The following RASA4 variants were observed in gnomAD, a reference collection of about 807,000 sequenced individuals.
RASA4 encodes RAS p21 protein activator 4.
Under a neutral mutation model 24.0 loss-of-function variants are expected in RASA4, and 5 were observed. That is an observed-to-expected ratio of 0.21 (90% CI 0.11 to 0.44). The LOEUF (loss-of-function observed/expected upper bound fraction) is 0.44, where lower values mean the gene tolerates loss of function less well. Ranked by LOEUF, RASA4 falls within the 20% of genes least tolerant of loss-of-function variation. The probability of loss-of-function intolerance (pLI) is 0.99; values close to 1 mark genes in which losing one functional copy is unlikely to be tolerated. For missense variants in RASA4, 38 were observed against 293.0 expected (o/e 0.13, Z 6.35); for synonymous variants, 9 against 132.7 (o/e 0.07, Z 6.41).
intron 5 of RASA4, among the ~76,000 whole-genome samples, chr7:102,603,928 C>G (rs1233690403): frequency 7.9e-4 from 119 of 150,740 alleles, no homozygotes; most frequent in African/African-American, 2.7e-3. Flanking sequence ...TTTGGGAGGC[C>G]GAGGCAGGCA....
chr7:102,597,745 G>A lies in RASA4; in HGVS notation c.738-1616C>T, dbSNP rs1388847971. 1.5e-4 allele frequency among the ~76,000 whole-genome samples: 20 copies of A among 134,918 alleles called. 2 individuals are homozygous for A. The South Asian group carries it at 3.0e-3, about 20-fold the overall frequency. 88.5% of individuals were successfully genotyped at this position (134,918 alleles called of 152,430 possible). A position where few individuals can be genotyped will look rare whatever the true frequency, so the allele number is the denominator to read the frequency against. The stretch of plus-strand genomic sequence containing the variant: ...GGCTGTTTTCTTGAGACGGAGTTTC[G>A]CTCTTGTCACCGAGGCTGGAGTGCA... On this transcript the variant is annotated intron_variant, in intron 8 of 20. Coordinates refer to ENST00000262940, the MANE Select transcript of RASA4 (RefSeq NM_006989.6).
chr7:102,590,904 C>T (rs2133442488), intron 16 of RASA4, among the ~76,000 whole-genome samples: 1 of 142,954 alleles, frequency 7.0e-6, no homozygotes, highest in South Asian at 2.2e-4. Context: ...CGCACCATTG[C>T]ACTCTGGCCT....
chr7:102,606,672 T>C (rs1790685830), intron 4 of RASA4, among the ~76,000 whole-genome samples: 1 of 58,924 alleles, frequency 1.7e-5, no homozygotes, highest in Non-Finnish European at 3.6e-5. Flanking sequence ...AGACCCCATC[T>C]CAAAAAAAAA....
At chr7:102,613,198 G>GC (rs139353805) in intron 1 of RASA4, among the ~76,000 whole-genome samples, 65 of 222 alleles carry the variant, frequency 0.29, no homozygotes, top group Middle Eastern at 0.5. Flanking sequence ...AAAATAAAGA[G>GC]CCCCCCCACC....
chr7:102,605,696 C>T (rs1350425137), intron 5 of RASA4, among the ~76,000 whole-genome samples, 162 bp downstream of exon 5: 2 of 152,338 alleles, frequency 1.3e-5, no homozygotes, highest in Non-Finnish European at 2.9e-5. Context: ...AGGTGTGAGA[C>T]GCCGTGCCTG....
rs202016941 is a variant in RASA4, at chr7:102,594,891, G to GT, written c.1072-333_1072-332insA. Among the ~76,000 whole-genome samples the GT allele has an allele frequency of 6.4e-3, 343 of 53,560 alleles. 4 individuals are homozygous for GT. The highest frequency in any genetic ancestry group is 0.015 in the South Asian group (15 of 1,014). The allele number at this position is 53,560 out of a possible 152,430, so 35.1% of individuals were successfully genotyped here. A position where few individuals can be genotyped will look rare whatever the true frequency, so the allele number is the denominator to read the frequency against. On this transcript the variant is annotated intron_variant, in intron 11 of 20. Transcript: ENST00000262940. ...CACACACATTCTCTTTGGGGGGGGG[G>GT]GGTGCGGGGCACGGAGTCTAGCACG...
intron 8 of RASA4, among the ~76,000 whole-genome samples, chr7:102,597,650 T>A (rs1790277245): frequency 7.2e-6 from 1 of 138,692 alleles, no homozygotes; most frequent in African/African-American, 2.5e-5. Context: ...GGTCTTGAAC[T>A]CCTGATCTCA....
rs532600702 is a variant in RASA4 at position 102,580,114 on chromosome 7, T to G, written c.*2657A>C. The G allele has an allele frequency of 9.1e-6, 3 of 329,244 alleles. No individual in the cohort carries two copies. The highest frequency in any genetic ancestry group is 6.5e-5 in the African/African-American group (3 of 46,204). 20.4% of individuals were successfully genotyped at this position (329,244 alleles called of 1,614,324 possible). A position where few individuals can be genotyped will look rare whatever the true frequency, so the allele number is the denominator to read the frequency against. ...AGTATCTTATCACACCTTTAAAAAT[T>G]AATAATTCCAATCATCCTATAGTTG... On this transcript the variant is annotated 3_prime_UTR_variant, in exon 21 of 21. Coordinates refer to ENST00000262940, the MANE Select transcript of RASA4 (RefSeq NM_006989.6).
chr7:102,588,952 C>CTTTTT (rs138710001), intron 17 of RASA4, among the ~76,000 whole-genome samples: 2 of 30,416 alleles, frequency 6.6e-5, no homozygotes, highest in Non-Finnish European at 1.8e-4. Flanking sequence ...TCACAATTTG[C>CTTTTT]TTTTTTTTTT....
At chr7:102,599,677 G>C (rs375943301) in intron 8 of RASA4, among the ~76,000 whole-genome samples, 183 bp downstream of exon 8, 18,046 of 132,960 alleles carry the variant, frequency 0.14, 408 homozygotes, top group East Asian at 0.39. Context: ...TAAAGGGGAG[G>C]TGGAGCCCAG....
At chr7:102,610,340 G>A (rs1790783879) in intron 2 of RASA4, among the ~76,000 whole-genome samples, 1 of 130,306 alleles carries the variant, frequency 7.7e-6, no homozygotes, top group African/African-American at 2.7e-5. Flanking sequence ...GGGAAGGACT[G>A]GGCTCCGAGT....
At chr7:102,608,276 TAA>T (rs1554347305) in intron 4 of RASA4, among the ~76,000 whole-genome samples, 1 of 63,496 alleles carries the variant, frequency 1.6e-5, no homozygotes, top group African/African-American at 6.3e-5. Flanking sequence ...GCCTTTTTTT[TAA>T]AAAAAAACTA....
At chr7:102,590,865 G>A (rs1789956586) in intron 16 of RASA4, among the ~76,000 whole-genome samples, 2 of 141,922 alleles carry the variant, frequency 1.4e-5, no homozygotes, top group South Asian at 2.2e-4. Flanking sequence ...GCTTGAACCC[G>A]GGAGGCGGAG....
chr7:102,595,223 C>G (rs1247543863), intron 11 of RASA4, 82 bp downstream of exon 11: 1 of 575,032 alleles, frequency 1.7e-6, no homozygotes, highest in Non-Finnish European at 2.8e-6. Flanking sequence ...ACACTGGAGT[C>G]GAAGTCCCAG....
chr7:102,588,040 TA>T (rs1411190200), intron 17 of RASA4, among the ~76,000 whole-genome samples: 1 of 6,240 alleles, frequency 1.6e-4, no homozygotes, highest in Non-Finnish European at 2.8e-4. Flanking sequence ...TCCTTTTTTT[TA>T]GAGATGGGGT....
chr7:102,586,075 C>CT (rs1789773219), intron 18 of RASA4, among the ~76,000 whole-genome samples: 1 of 94,260 alleles, frequency 1.1e-5, no homozygotes, highest in African/African-American at 3.7e-5. Context: ...AGGCTCGTCT[C>CT]TAACTCCTGA....
In RASA4 at chr7:102,605,865, C is replaced by G. The variant is rs1790621414; in HGVS notation, c.421G>C (p.Glu141Gln). ...CAGGCCCCTGAGTCTCACCTGGCCT[C>G]CAGCACAGAGCAGCGTAGCCGGCAG... ...RACRLRCSVL[E>Q]ARDLAPKDRN... Residue 141 changes from glutamate (E) to glutamine (Q), a missense_variant, in exon 5 of 21, where the codon GAG (glutamate) becomes CAG (glutamine). Glu to Gln is a conservative substitution (Grantham distance 29). Coordinates refer to ENST00000262940, the MANE Select transcript of RASA4 (RefSeq NM_006989.6). The G allele has an allele frequency of 6.4e-7, 1 of 1,568,872 alleles. No individual in the cohort carries two copies. The highest frequency in any genetic ancestry group is 8.6e-7 in the Non-Finnish European group (1 of 1,156,218).
chr7:102,591,003 C>T (rs1362282806), intron 16 of RASA4, among the ~76,000 whole-genome samples: 7 of 144,568 alleles, frequency 4.8e-5, no homozygotes, highest in South Asian at 2.1e-4. Flanking sequence ...TCTTTCAACC[C>T]TGGCAAGGAA....
In RASA4 at chr7:102,580,229, A is replaced by G. The variant is rs1801474197; in HGVS notation, c.*2542T>C. 7.0e-6 allele frequency: 1 copy of G among 142,674 alleles called. No individual in the cohort carries two copies. The highest frequency in any genetic ancestry group is 7.2e-5 in the Admixed American group (1 of 13,808). 8.8% of individuals were successfully genotyped at this position (142,674 alleles called of 1,614,324 possible). ...ATTGGTTGCTGTAAGTCACCTAAAT[A>G]TCTTCTCTTTTTTATACTTTTTATT... On this transcript the variant is annotated 3_prime_UTR_variant, in exon 21 of 21. Coordinates refer to ENST00000262940, the MANE Select transcript of RASA4 (RefSeq NM_006989.6).
Sources: allele counts gnomAD v4.1 joint callset (sites outside exome capture counted in the v4.1 genomes callset), GRCh38; gene constraint gnomAD v4.1.1; transcripts MANE v1.5; gene names NCBI Gene and HGNC (gene_info 2026-07-23, HGNC 2026-07-21).